Variants in RHBG observed in about 807,000 individuals in gnomAD.
RHBG encodes the protein Rh family B glycoprotein, also known as ammonium transporter Rh type B.
In RHBG, 39 loss-of-function variants were observed where a neutral mutation model predicts 40.1. The observed-to-expected ratio is 0.97, with a 90% CI of 0.75 to 1.27. The LOEUF (loss-of-function observed/expected upper bound fraction) is 1.27. RHBG is among the 50% of genes most tolerant of loss of function. The pLI is 0.00. For missense variants in RHBG, 549 were observed against 588.1 expected (o/e 0.93, Z 0.69); for synonymous variants, 237 against 252.5 (o/e 0.94, Z 0.58).
chr1:156,378,013 C>T lies in RHBG; in HGVS notation c.398C>T (p.Ala133Val), dbSNP rs374459477. Residue 133 changes from alanine (A) to valine (V), a missense_variant, in exon 3 of 10, where the codon GCG becomes GTG. By Grantham distance (64) the Ala-to-Val change is moderately conservative. Around this residue, in one of 3 missense-constraint regions of RHBG, gnomAD observed 399 missense variants for 417.0 expected, o/e 0.96. Coordinates refer to ENST00000537040, the MANE Select transcript of RHBG (RefSeq NM_020407.5). Reference protein sequence around the residue: ...VESMINADFCAGAVLISFGAV... With the variant: ...VESMINADFCVGAVLISFGAV... ...AGCATGATCAATGCTGACTTTTGTG[C>T]GGGGGCCGTGCTCATCTCCTTTGGT... The T allele has an allele frequency of 2.0e-4, 313 of 1,553,578 alleles. 3 individuals are homozygous for T. The South Asian group carries it at 3.5e-3, about 17-fold the overall frequency.
intron 4 of RHBG, among the ~76,000 whole-genome samples, chr1:156,378,988 T>TGC (rs1457147441): frequency 2.0e-5 from 3 of 149,284 alleles, no homozygotes; most frequent in Non-Finnish European, 4.5e-5. Flanking sequence ...CACCTGCTGC[T>TGC]TCTTCTTCTT....
intron 4 of RHBG, among the ~76,000 whole-genome samples, chr1:156,380,343 G>T (rs1030465412): frequency 2.0e-5 from 3 of 151,646 alleles, no homozygotes; most frequent in African/African-American, 4.8e-5. Flanking sequence ...CTTGTGATCC[G>T]CCTGCCTCGA....
At chr1:156,378,989 T>TG (rs1557802305) in intron 4 of RHBG, among the ~76,000 whole-genome samples, 3 of 150,580 alleles carry the variant, frequency 2.0e-5, no homozygotes, top group Non-Finnish European at 4.4e-5. Flanking sequence ...ACCTGCTGCT[T>TG]CTTCTTCTTT....
Position 156,377,566 on chromosome 1 carries a change from C to G in RHBG, c.374+79C>G. ...CCATGGGCCCCGGATCTAGCCCTGT[C>G]CTTCAAGTCTGCTTCCTGACTCACG... On this transcript the variant is annotated intron_variant, in intron 2 of 9. Coordinates refer to ENST00000537040, the MANE Select transcript of RHBG (RefSeq NM_020407.5). This position sits in a 1 kb window ranked among gnomAD's most constrained non-coding sequence, Gnocchi z 4.6. 7.0e-7 allele frequency: 1 copy of G among 1,433,974 alleles called. No individual in the cohort carries two copies. Among genetic ancestry groups the G allele is most frequent in the South Asian group, 1.3e-5 (1 of 76,736 alleles). The allele number at this position is 1,433,974 out of a possible 1,614,324, so 88.8% of individuals were successfully genotyped here.
chr1:156,381,562 G>A, intron 5 of RHBG, 49 bp downstream of exon 5: 9 of 1,555,962 alleles, frequency 5.8e-6, no homozygotes, highest in Non-Finnish European at 7.8e-6. Context: ...CCTGGGCAGG[G>A]GAGGAGAGGT....
At chr1:156,372,201 G>A (rs1449650317) in intron 1 of RHBG, among the ~76,000 whole-genome samples, 1 of 152,238 alleles carries the variant, frequency 6.6e-6, no homozygotes, top group African/African-American at 2.4e-5. Flanking sequence ...CTGCTGGAAG[G>A]ACGCTGAGAG....
At chr1:156,376,921 G>C (rs1400486062) in intron 1 of RHBG, among the ~76,000 whole-genome samples, 1 of 152,226 alleles carries the variant, frequency 6.6e-6, no homozygotes, top group African/African-American at 2.4e-5. Flanking sequence ...GGACTTTCTA[G>C]CAGAGGAAAT....
At position 156,369,360 on chromosome 1, in the gene RHBG, C is replaced by G. The variant is rs761388303; in HGVS notation, c.111C>G (p.Asn37Lys). ...TCTTTGCTGTCTTTGTCCGCTACAACCACAAAACCGACGCTGCCCTCTGGC... is the reference window on the plus strand; with the variant it reads ...TCTTTGCTGTCTTTGTCCGCTACAAGCACAAAACCGACGCTGCCCTCTGGC... Reference protein sequence around the residue: ...AVLFAVFVRYNHKTDAALWHR... With the variant: ...AVLFAVFVRYKHKTDAALWHR... Residue 37 changes from asparagine to lysine, a missense_variant, in exon 1 of 10, where the codon AAC (asparagine) becomes AAG (lysine). By Grantham distance (94) the Asn-to-Lys change is moderately conservative (BLOSUM62 0). This residue lies in a region of RHBG where 99 missense variants were observed against 85.2 expected (regional missense o/e 1.16). Coordinates refer to ENST00000537040, the MANE Select transcript of RHBG (RefSeq NM_020407.5). The G allele has an allele frequency of 1.9e-6, 3 of 1,614,236 alleles. No homozygotes were observed. The highest frequency in any genetic ancestry group is 3.3e-4 in the Middle Eastern group (2 of 6,060).
chr1:156,384,976 C>CGT lies in RHBG; in HGVS notation c.*131_*132insGT. The CGT allele has an allele frequency of 1.6e-6, 1 of 620,226 alleles. No homozygotes were observed. Among genetic ancestry groups the CGT allele is most frequent in the Non-Finnish European group, 2.9e-6 (1 of 347,244 alleles). 38.4% of individuals were successfully genotyped at this position (620,226 alleles called of 1,614,324 possible). ...CCATGAGCCAGAAGGAGGCCCCTTT[C>CGT]CACAGGCAGCGTCTCCACAGGGAGA... On this transcript the variant is annotated 3_prime_UTR_variant, in exon 10 of 10. Coordinates refer to ENST00000537040, the MANE Select transcript of RHBG (RefSeq NM_020407.5).
intron 6 of RHBG, 31 bp from the exon 7 acceptor site, chr1:156,382,037 C>T (rs766063516): frequency 3.1e-6 from 5 of 1,610,716 alleles, no homozygotes; most frequent in African/African-American, 2.7e-5. Context: ...GGAGTGGGCA[C>T]AGGAGACTCA....
At chr1:156,375,814 AC>A (rs1204686198) in intron 1 of RHBG, among the ~76,000 whole-genome samples, 4 of 151,136 alleles carry the variant, frequency 2.6e-5, no homozygotes, top group East Asian at 3.9e-4. Context: ...ATCTCGGCTC[AC>A]TGCAACCTCC....
intron 1 of RHBG, among the ~76,000 whole-genome samples, chr1:156,375,383 A>G (rs949983838): frequency 2.0e-5 from 3 of 151,778 alleles, no homozygotes; most frequent in African/African-American, 4.8e-5. Context: ...TCAGACCTCT[A>G]ATTTCAGTAC....
chr1:156,384,597 G>T lies in RHBG; in HGVS notation c.1305G>T (p.Trp435Cys). The T allele has an allele frequency of 1.3e-6, 2 of 1,572,698 alleles. No homozygotes were observed. Among genetic ancestry groups the T allele is most frequent in the South Asian group, 1.2e-5 (1 of 85,142 alleles). The change falls in exon 9 of 10, where the codon TGG becomes TGT. Residue 435 changes from tryptophan to cysteine, a missense_variant. Around this residue, in one of 3 missense-constraint regions of RHBG, gnomAD observed 399 missense variants for 417.0 expected, o/e 0.96. Coordinates refer to ENST00000537040, the MANE Select transcript of RHBG (RefSeq NM_020407.5). Reference protein sequence around the residue: ...DSQHYEDQVHWQVPGEHEDKA... With the variant: ...DSQHYEDQVHCQVPGEHEDKA... Reference sequence around the variant, plus strand: ...AGCACTACGAGGACCAAGTTCACTGGCAGGTGAGACATTGCTGGGCTCTCA... The same window carrying T: ...AGCACTACGAGGACCAAGTTCACTGTCAGGTGAGACATTGCTGGGCTCTCA...
In RHBG at chr1:156,381,418, C is replaced by A; in HGVS notation, c.745C>A (p.Arg249=). Residue 249 remains arginine (R), a synonymous_variant, in exon 5 of 10, where the codon CGG becomes AGG. Transcript: ENST00000537040. ...CACAGCGCTGGGGGCTGGGCAGCAT[C>A]GGACGGCCCTCAACACATACTACTC... is the stretch of plus-strand genomic sequence containing the variant. The part of the protein sequence containing the change: ...ALTALGAGQH[R]TALNTYYSLA... The A allele has an allele frequency of 6.2e-7, 1 of 1,614,094 alleles. No individual in the cohort carries two copies. The highest frequency in any genetic ancestry group is 8.5e-7 in the Non-Finnish European group (1 of 1,180,018).
In RHBG at chr1:156,384,872, G is replaced by A. The variant is rs942862699; in HGVS notation, c.*27G>A. ...CCACTGCCAGCCCCTGAGAGGACAC[G>A]CTCCTTTTCGAAGATGCTGACTGGC... On this transcript the variant is annotated 3_prime_UTR_variant, in exon 10 of 10. Coordinates refer to ENST00000537040, the MANE Select transcript of RHBG (RefSeq NM_020407.5). The A allele has an allele frequency of 1.0e-5, 15 of 1,467,268 alleles. No individual in the cohort carries two copies. The highest frequency in any genetic ancestry group is 1.4e-5 in the Non-Finnish European group (15 of 1,056,932). 90.9% of individuals were successfully genotyped at this position (1,467,268 alleles called of 1,614,324 possible). A position where few individuals can be genotyped will look rare whatever the true frequency, so the allele number is the denominator to read the frequency against.
rs971338884 is a variant in RHBG at position 156,382,091 on chromosome 1, A to G, written c.1002A>G (p.Lys334=). 1 of 1,609,234 alleles carries G rather than the reference A, an allele frequency of 6.2e-7. No homozygotes were observed. Among genetic ancestry groups the G allele is most frequent in the Non-Finnish European group, 8.5e-7 (1 of 1,176,592 alleles). Residue 334 remains lysine, a synonymous_variant, in exon 7 of 10, where the codon AAA becomes AAG. Coordinates refer to ENST00000537040, the MANE Select transcript of RHBG (RefSeq NM_020407.5). ...AGCCCATCCTTGAATCAAAATTCAA[A>G]GTCCAAGACACATGTGGAGTCCACA... ...FFTPILESKF[K]VQDTCGVHNL...
intron 1 of RHBG, among the ~76,000 whole-genome samples, chr1:156,373,236 A>G (rs1393088213): frequency 6.6e-6 from 1 of 152,092 alleles, no homozygotes; most frequent in Non-Finnish European, 1.5e-5. Context: ...AGCCTGGGCA[A>G]CAAACAAAGT....
intron 4 of RHBG, among the ~76,000 whole-genome samples, chr1:156,379,740 C>T (rs1667486385): frequency 6.6e-6 from 1 of 152,180 alleles, no homozygotes. Context: ...TGCCGGGCTG[C>T]TGGGAGAAGC....
intron 1 of RHBG, chr1:156,371,764 C>T (rs1666878972): frequency 6.6e-6 from 1 of 152,380 alleles, no homozygotes; most frequent in Admixed American, 6.5e-5. Context: ...TTGCCATGAA[C>T]CCCTGACTTG....
Sources: allele counts gnomAD v4.1 joint callset (sites outside exome capture counted in the v4.1 genomes callset), GRCh38; gene constraint gnomAD v4.1.1; regional missense constraint gnomAD v4.1.1; non-coding constraint Gnocchi (gnomAD v3.1); transcripts MANE v1.5; gene names NCBI Gene and HGNC (gene_info 2026-07-23, HGNC 2026-07-21).